AGPAT4: variants seen among roughly 807,000 people sequenced by gnomAD.
AGPAT4 encodes 1-acyl-sn-glycerol-3-phosphate acyltransferase delta.
A neutral mutation model predicts 48.0 loss-of-function variants in AGPAT4; 15 were observed. That is an observed-to-expected ratio of 0.31 (90% CI 0.21 to 0.48). The LOEUF (loss-of-function observed/expected upper bound fraction) is 0.48, where lower values mean the gene tolerates loss of function less well. Ranked by LOEUF, AGPAT4 falls within the 20% of genes least tolerant of loss-of-function variation. The pLI is 0.99. For missense variants in AGPAT4, 314 were observed against 482.5 expected, an observed-to-expected ratio of 0.65 and a Z score of 3.27; for synonymous variants, 178 against 198.7, an observed-to-expected ratio of 0.90 and a Z score of 0.88.
intron 5 of AGPAT4, among the ~76,000 whole-genome samples, chr6:161,151,866 C>T (rs2114964174): frequency 6.6e-6 from 1 of 152,256 alleles, no homozygotes; most frequent in South Asian, 2.1e-4. Context: ...CATCCTTGGC[C>T]CTGGGGCCCA....
chr6:161,213,593 TG>T (rs1305977989), intron 2 of AGPAT4, among the ~76,000 whole-genome samples: 1 of 152,202 alleles, frequency 6.6e-6, no homozygotes, highest in African/African-American at 2.4e-5. Flanking sequence ...CCCTGTGAAC[TG>T]AAGCCAGACA....
rs1782607198 is a variant in AGPAT4, at chr6:161,244,867, A to G, written c.-89-12565T>C. 6.6e-6 allele frequency among the ~76,000 whole-genome samples: 1 copy of G among 152,194 alleles called. No individual in the cohort carries two copies. Among genetic ancestry groups the G allele is most frequent in the Admixed American group, 6.5e-5 (1 of 15,286 alleles). The stretch of plus-strand genomic sequence containing the variant: ...AATCAGTGAAGGTCACCAACCACAG[A>G]CAGATGGGCCAAAACCCCAGGCCTG... On this transcript the variant is annotated intron_variant, in intron 1 of 8. Transcript: ENST00000320285. The surrounding 1 kb of genome is among the most constrained non-coding windows in gnomAD (Gnocchi z 4.7).
Position 161,212,895 on chromosome 6 carries a change from T to C in AGPAT4, c.178+19141A>G, listed in dbSNP as rs1370265198. ...AAGTGCAGTAAGAATCAATTTTCAC[T>C]GTAACAGGCCACAATCAGAGAAACT... On this transcript the variant is annotated intron_variant, in intron 2 of 8. Coordinates refer to ENST00000320285, the MANE Select transcript of AGPAT4 (RefSeq NM_020133.3). This position sits in a 1 kb window ranked among gnomAD's most constrained non-coding sequence, Gnocchi z 6.1. Among the ~76,000 whole-genome samples, 1 of 152,262 alleles carries C rather than the reference T, an allele frequency of 6.6e-6. No individual in the cohort carries two copies. Among genetic ancestry groups the C allele is most frequent in the Non-Finnish European group, 1.5e-5 (1 of 68,042 alleles).
Position 161,154,049 on chromosome 6 carries a change from A to G in AGPAT4, c.510+100T>C, listed in dbSNP as rs762403375. 6 of 1,506,490 alleles carry G rather than the reference A, an allele frequency of 4.0e-6. No individual in the cohort carries two copies. Among genetic ancestry groups the G allele is most frequent in the East Asian group, 4.5e-5 (2 of 44,096 alleles). The allele number at this position is 1,506,490 out of a possible 1,614,324, so 93.3% of individuals were successfully genotyped here. A position where few individuals can be genotyped will look rare whatever the true frequency, so the allele number is the denominator to read the frequency against. Reference sequence around the variant, plus strand: ...GTCACACACAGCCCTGGAGTCGCACAGGACCACACAGTCACGTGTCCTGTG... The same window carrying G: ...GTCACACACAGCCCTGGAGTCGCACGGGACCACACAGTCACGTGTCCTGTG... On this transcript the variant is annotated intron_variant, in intron 4 of 8. Transcript: ENST00000320285. The surrounding 1 kb of genome is among the most constrained non-coding windows in gnomAD (Gnocchi z 7.8).
chr6:161,233,669 T>C lies in AGPAT4; in HGVS notation c.-89-1367A>G, dbSNP rs1582896433. On this transcript the variant is annotated intron_variant, in intron 1 of 8. Transcript: ENST00000320285. The surrounding 1 kb of genome is among the most constrained non-coding windows in gnomAD (Gnocchi z 5.4). ...GTTATAAAATAGGCCTTGTGTAAGA[T>C]GATTTGGCCTAACTGTAGGCTAACG... Among the ~76,000 whole-genome samples, 1 of 152,246 alleles carries C rather than the reference T, an allele frequency of 6.6e-6. No individual in the cohort carries two copies. The highest frequency in any genetic ancestry group is 2.4e-5 in the African/African-American group (1 of 41,460).
chr6:161,141,588 T>A lies in AGPAT4; in HGVS notation c.844-1968A>T, dbSNP rs532123020. 2.3e-4 allele frequency among the ~76,000 whole-genome samples: 35 copies of A among 150,786 alleles called. 1 individual carries two copies. Among genetic ancestry groups the A allele is most frequent in the South Asian group, 8.4e-4 (4 of 4,768 alleles). ...TGATATTTTTGTGCCTTGTTTTTTT[T>A]TAAAAAAAAAACAGCTTTCTTAAGA... On this transcript the variant is annotated intron_variant, in intron 7 of 8. Coordinates refer to ENST00000320285, the MANE Select transcript of AGPAT4 (RefSeq NM_020133.3). The surrounding 1 kb of genome is among the most constrained non-coding windows in gnomAD (Gnocchi z 6.7).
intron 2 of AGPAT4, among the ~76,000 whole-genome samples, chr6:161,203,833 C>T (rs1250382431): frequency 6.6e-6 from 1 of 152,124 alleles, no homozygotes; most frequent in Non-Finnish European, 1.5e-5. Context: ...GTATTATATG[C>T]CATTTCTCCA....
Position 161,161,418 on chromosome 6 carries a change from T to G in AGPAT4, c.348+4830A>C, listed in dbSNP as rs558611478. 9 of 456,688 alleles carry G rather than the reference T, an allele frequency of 2.0e-5. No individual in the cohort carries two copies. The highest frequency in any genetic ancestry group is 1.2e-4 in the Admixed American group (5 of 42,578). The allele number at this position is 456,688 out of a possible 1,614,324, so 28.3% of individuals were successfully genotyped here. A position where few individuals can be genotyped will look rare whatever the true frequency, so the allele number is the denominator to read the frequency against. On this transcript the variant is annotated intron_variant, in intron 3 of 8. Coordinates refer to ENST00000320285, the MANE Select transcript of AGPAT4 (RefSeq NM_020133.3). This position sits in a 1 kb window ranked among gnomAD's most constrained non-coding sequence, Gnocchi z 4.6. ...ATGTGATTCCAGATCCCAGCACACTTGCCAAACCCAGTGAATGGTAAGAGG... is the reference window on the plus strand; with the variant it reads ...ATGTGATTCCAGATCCCAGCACACTGGCCAAACCCAGTGAATGGTAAGAGG...
rs1156789167 is a variant in AGPAT4, at chr6:161,266,662, C to A, written c.-90+7276G>T. Among the ~76,000 whole-genome samples the A allele has an allele frequency of 6.6e-6, 1 of 152,142 alleles. No individual in the cohort carries two copies. The highest frequency in any genetic ancestry group is 1.5e-5 in the Non-Finnish European group (1 of 68,036). The stretch of plus-strand genomic sequence containing the variant: ...CCATCCGCCTTGCAACCTGCCCTTC[C>A]CCCAGCAGAAAAGAGACAAGAAAAG... On this transcript the variant is annotated intron_variant, in intron 1 of 8. Transcript: ENST00000320285. The surrounding 1 kb of genome is among the most constrained non-coding windows in gnomAD (Gnocchi z 6.2).
At chr6:161,183,976 C>T (rs1368453759) in intron 2 of AGPAT4, among the ~76,000 whole-genome samples, 2 of 151,896 alleles carry the variant, frequency 1.3e-5, no homozygotes, top group African/African-American at 2.4e-5. Flanking sequence ...GGGTCTGGCT[C>T]TTACTCTTGG....
rs1376061932 is a variant in AGPAT4 at position 161,142,364 on chromosome 6, C to T, written c.844-2744G>A. On this transcript the variant is annotated intron_variant, in intron 7 of 8. Coordinates refer to ENST00000320285, the MANE Select transcript of AGPAT4 (RefSeq NM_020133.3). The surrounding 1 kb of genome is among the most constrained non-coding windows in gnomAD (Gnocchi z 6.4). ...ACCCGTTTTGTAATAAAATTTGCCC[C>T]GCAGGGAAAGGACTCGTGTTTTTTG... Among the ~76,000 whole-genome samples, 1 of 152,136 alleles carries T rather than the reference C, an allele frequency of 6.6e-6. No individual in the cohort carries two copies. Among genetic ancestry groups the T allele is most frequent in the Non-Finnish European group, 1.5e-5 (1 of 68,044 alleles).
In AGPAT4 at chr6:161,165,447, C is replaced by T. The variant is rs1283819557; in HGVS notation, c.348+801G>A. 1 of 395,634 alleles carries T rather than the reference C, an allele frequency of 2.5e-6. No homozygotes were observed. The highest frequency in any genetic ancestry group is 4.0e-6 in the Non-Finnish European group (1 of 248,732). The allele number at this position is 395,634 out of a possible 1,614,324, so 24.5% of individuals were successfully genotyped here. A position where few individuals can be genotyped will look rare whatever the true frequency, so the allele number is the denominator to read the frequency against. On this transcript the variant is annotated intron_variant, in intron 3 of 8. Transcript: ENST00000320285. The surrounding 1 kb of genome is among the most constrained non-coding windows in gnomAD (Gnocchi z 5.5). ...AAAAAGCAAGGTGATTTCAGCAGCCCCCGTATCTGTTCTACAGGGCATTGT... is the reference window on the plus strand; with the variant it reads ...AAAAAGCAAGGTGATTTCAGCAGCCTCCGTATCTGTTCTACAGGGCATTGT...
Position 161,232,986 on chromosome 6 carries a change from T to C in AGPAT4, c.-89-684A>G, listed in dbSNP as rs181054586. On this transcript the variant is annotated intron_variant, in intron 1 of 8. Transcript: ENST00000320285. The surrounding 1 kb of genome is among the most constrained non-coding windows in gnomAD (Gnocchi z 6.8). The stretch of plus-strand genomic sequence containing the variant: ...AAAAAATATTTGTAGAATGATTTAG[T>C]GAAGGTACACGAGGGCTCAACTTTG... 1.8e-3 allele frequency among the ~76,000 whole-genome samples: 280 copies of C among 152,194 alleles called. 2 individuals carry two copies. Among genetic ancestry groups the C allele is most frequent in the Non-Finnish European group, 1.8e-3 (124 of 68,004 alleles).
At chr6:161,237,669 A>C (rs1389766075) in intron 1 of AGPAT4, among the ~76,000 whole-genome samples, 1 of 152,224 alleles carries the variant, frequency 6.6e-6, no homozygotes, top group Non-Finnish European at 1.5e-5. Context: ...ATCTATTACT[A>C]TATCTATAAC....
intron 2 of AGPAT4, among the ~76,000 whole-genome samples, chr6:161,193,415 T>C (rs758354347): frequency 6.6e-6 from 1 of 152,238 alleles, no homozygotes; most frequent in Non-Finnish European, 1.5e-5. Context: ...AGTCCAAGAC[T>C]ATCTGAAGCT....
chr6:161,248,789 A>G (rs1326349375), intron 1 of AGPAT4, among the ~76,000 whole-genome samples: 4 of 152,146 alleles, frequency 2.6e-5, no homozygotes, highest in Non-Finnish European at 5.9e-5. Flanking sequence ...TAAACTACCA[A>G]TGACATTCTT....
At position 161,193,473 on chromosome 6, in the gene AGPAT4, C is replaced by T. The variant is rs528021104; in HGVS notation, c.179-27056G>A. ...AGAGCATCCGGGGGATCTGAATACA[C>T]GCTGCAAATTTGCAAGCAGGCCGCT... On this transcript the variant is annotated intron_variant, in intron 2 of 8. Transcript: ENST00000320285. Among the ~76,000 whole-genome samples the T allele has an allele frequency of 2.8e-4, 43 of 152,344 alleles. 1 individual carries two copies. The highest frequency in any genetic ancestry group is 6.2e-4 in the South Asian group (3 of 4,826).
In AGPAT4 at chr6:161,219,916, C is replaced by CAGGCGGCAGGCAGGCAGGCA. The variant is rs770490075; in HGVS notation, c.178+12119_178+12120insTGCCTGCCTGCCTGCCGCCT. On this transcript the variant is annotated intron_variant, in intron 2 of 8. Coordinates refer to ENST00000320285, the MANE Select transcript of AGPAT4 (RefSeq NM_020133.3). This position sits in a 1 kb window ranked among gnomAD's most constrained non-coding sequence, Gnocchi z 4.9. ...GCAGGCAGGCAGGCAGGCAGGCAGGCGGCAGGCAGGCAGGCAGGCAGGCAG... is the reference window on the plus strand; with the variant it reads ...GCAGGCAGGCAGGCAGGCAGGCAGGCAGGCGGCAGGCAGGCAGGCAGGCAGGCAGGCAGGCAGGCAGGCAG... 1.9e-5 allele frequency among the ~76,000 whole-genome samples: 2 copies of CAGGCGGCAGGCAGGCAGGCA among 105,990 alleles called. No individual in the cohort carries two copies. Among genetic ancestry groups the CAGGCGGCAGGCAGGCAGGCA allele is most frequent in the Admixed American group, 9.3e-5 (1 of 10,800 alleles). The allele number at this position is 105,990 out of a possible 152,430, so 69.5% of individuals were successfully genotyped here.
At chr6:161,248,158 C>A (rs949718724) in intron 1 of AGPAT4, among the ~76,000 whole-genome samples, 1 of 152,054 alleles carries the variant, frequency 6.6e-6, no homozygotes, top group African/African-American at 2.4e-5. Context: ...TGATAAACAA[C>A]TTCAGCAAAG....
Sources: gnomAD v4.1 joint callset for allele counts (sites outside exome capture counted in the v4.1 genomes callset) on GRCh38, gnomAD v4.1.1 for gene constraint, Gnocchi (gnomAD v3.1) non-coding constraint, MANE v1.5 for transcripts, NCBI Gene and HGNC (gene_info 2026-07-23, HGNC 2026-07-21) for gene names.